NCALD: variants seen among roughly 807,000 people sequenced by gnomAD.
The protein encoded by NCALD is neurocalcin-delta.
A neutral mutation model predicts 18.6 loss-of-function variants in NCALD; 10 were observed. The ratio of observed to expected loss-of-function variants is 0.54; its 90% CI spans 0.33 to 0.91. The LOEUF is 0.91. Ranked by LOEUF, NCALD falls within the 40% of genes least tolerant of loss-of-function variation. The probability of loss-of-function intolerance (pLI) is 0.03; values close to 1 mark genes in which losing one functional copy is unlikely to be tolerated. For missense variants in NCALD, 184 were observed against 247.6 expected (o/e 0.74, Z 1.72); for synonymous variants, 88 against 87.4 (o/e 1.01, Z -0.04).
intron 1 of NCALD, among the ~76,000 whole-genome samples, chr8:102,090,429 GT>G (rs1440895681): frequency 6.6e-6 from 1 of 152,134 alleles, no homozygotes; most frequent in Non-Finnish European, 1.5e-5. Flanking sequence ...TTAAATGCAA[GT>G]TTCTGATAAC....
chr8:101,881,353 G>A (rs1387006029), intron 4 of NCALD, among the ~76,000 whole-genome samples: 1 of 152,098 alleles, frequency 6.6e-6, no homozygotes, highest in Non-Finnish European at 1.5e-5. Context: ...GCTTTACAGT[G>A]ACAGAACACA....
intron 2 of NCALD, chr8:102,020,179 G>T (rs1021298272): frequency 6.6e-6 from 1 of 152,080 alleles, no homozygotes; most frequent in Non-Finnish European, 1.5e-5. Flanking sequence ...TATGTCTTAG[G>T]GAATCTTGGA....
At chr8:101,904,665 C>G (rs1293854805) in intron 3 of NCALD, among the ~76,000 whole-genome samples, 3 of 152,142 alleles carry the variant, frequency 2.0e-5, no homozygotes, top group African/African-American at 7.2e-5. Flanking sequence ...TATCTCTCTC[C>G]TCTTCTCCAT....
chr8:101,884,836 T>C (rs1056360754), intron 4 of NCALD, among the ~76,000 whole-genome samples: 1 of 152,178 alleles, frequency 6.6e-6, no homozygotes, highest in East Asian at 1.9e-4. Flanking sequence ...TGAAAACATC[T>C]GGAAGAACAC....
chr8:101,764,558 C>A (rs1051152877), intron 1 of NCALD, among the ~76,000 whole-genome samples: 1 of 152,156 alleles, frequency 6.6e-6, no homozygotes, highest in Non-Finnish European at 1.5e-5. Context: ...GTAATGAGTA[C>A]AGCCCCCTTT....
intron 1 of NCALD, among the ~76,000 whole-genome samples, chr8:101,766,203 CAT>C (rs1412307607): frequency 6.6e-6 from 1 of 152,114 alleles, no homozygotes; most frequent in Non-Finnish European, 1.5e-5. Flanking sequence ...CTGAGTATGA[CAT>C]GGGAAAATGT....
intron 2 of NCALD, among the ~76,000 whole-genome samples, chr8:101,924,937 C>T (rs1373401136): frequency 6.6e-6 from 1 of 152,096 alleles, no homozygotes; most frequent in East Asian, 1.9e-4. Context: ...TGCCGTTCTC[C>T]TGAGGTTCCT....
chr8:101,823,574 G>A (rs542299853), intron 4 of NCALD, among the ~76,000 whole-genome samples: 28 of 152,228 alleles, frequency 1.8e-4, no homozygotes, highest in African/African-American at 6.7e-4. Flanking sequence ...AAAACCACCA[G>A]TCTCCTGGCT....
intron 1 of NCALD, among the ~76,000 whole-genome samples, chr8:101,736,125 C>A (rs1563713385): frequency 6.6e-6 from 1 of 152,192 alleles, no homozygotes; most frequent in African/African-American, 2.4e-5. Flanking sequence ...GTATGTACCC[C>A]CTAATGGCAA....
At chr8:101,871,499 C>A (rs1311003973) in intron 4 of NCALD, among the ~76,000 whole-genome samples, 2 of 152,028 alleles carry the variant, frequency 1.3e-5, no homozygotes, top group Non-Finnish European at 1.5e-5. Context: ...AGGGCTGGGA[C>A]CATCTGCAGG....
At chr8:101,791,951 C>T (rs1046820471), upstream of NCALD, among the ~76,000 whole-genome samples, 1 of 152,174 alleles carries the variant, frequency 6.6e-6, no homozygotes, top group East Asian at 1.9e-4. Flanking sequence ...TTACTTTTAA[C>T]TCTGCACACG....
intron 1 of NCALD, among the ~76,000 whole-genome samples, chr8:102,099,672 C>T (rs1216907271): frequency 6.6e-6 from 1 of 151,582 alleles, no homozygotes; most frequent in Non-Finnish European, 1.5e-5. Flanking sequence ...AGCTGGGCAC[C>T]GTGGCTCACG....
At chr8:102,039,481 T>G (rs1437906572) in intron 1 of NCALD, among the ~76,000 whole-genome samples, 4 of 152,160 alleles carry the variant, frequency 2.6e-5, no homozygotes, top group African/African-American at 9.7e-5. Context: ...AGTTTGGAGT[T>G]TATTTAACTT....
chr8:101,877,114 T>A (rs1336567798), intron 4 of NCALD, among the ~76,000 whole-genome samples: 2 of 152,244 alleles, frequency 1.3e-5, no homozygotes, highest in Non-Finnish European at 2.9e-5. Flanking sequence ...CTATTGTATA[T>A]GTAGCAAGTG....
chr8:101,801,955 C>T (rs539475533), intron 4 of NCALD, among the ~76,000 whole-genome samples: 268 of 152,086 alleles, frequency 1.8e-3, no homozygotes, highest in South Asian at 2.7e-3. Context: ...CGTGAACCAC[C>T]GCGCCCGGCC....
chr8:102,001,814 A>C (rs1397572351), intron 2 of NCALD, among the ~76,000 whole-genome samples: 2 of 152,234 alleles, frequency 1.3e-5, no homozygotes, highest in Non-Finnish European at 2.9e-5. Context: ...TACTTTACAG[A>C]CAAGCAAATG....
intron 2 of NCALD, among the ~76,000 whole-genome samples, chr8:101,955,186 T>C (rs1051090994): frequency 6.6e-6 from 1 of 152,200 alleles, no homozygotes; most frequent in African/African-American, 2.4e-5. Flanking sequence ...CTCACAGTCT[T>C]AATTAAATGA....
chr8:101,888,611 C>G (rs999549374), intron 3 of NCALD, among the ~76,000 whole-genome samples: 1 of 151,618 alleles, frequency 6.6e-6, no homozygotes, highest in Non-Finnish European at 1.5e-5. Flanking sequence ...GAGATGAGGG[C>G]TTGCTATGTT....
intron 2 of NCALD, among the ~76,000 whole-genome samples, chr8:101,934,335 G>A (rs117427804): frequency 6.6e-6 from 1 of 152,218 alleles, no homozygotes; most frequent in Non-Finnish European, 1.5e-5. Flanking sequence ...AAATGAGTGG[G>A]GAGAGCAAGA....
Sources: gnomAD v4.1 joint callset for allele counts (sites outside exome capture counted in the v4.1 genomes callset) on GRCh38, gnomAD v4.1.1 for gene constraint, MANE v1.5 for transcripts, NCBI Gene and HGNC (gene_info 2026-07-23, HGNC 2026-07-21) for gene names.